The following RTN4IP1 variants were observed in gnomAD, a reference collection of about 807,000 sequenced individuals.
RTN4IP1 encodes the protein NAD(P)H oxidoreductase RTN4IP1, mitochondrial.
RTN4IP1 carries 32 observed loss-of-function variants against 46.6 expected under a neutral mutation model. The observed-to-expected ratio is 0.69, with a 90% confidence interval of 0.52 to 0.92. The LOEUF (loss-of-function observed/expected upper bound fraction) is 0.92, where lower values mean the gene tolerates loss of function less well. RTN4IP1 is among the 40% of genes least tolerant of loss of function. The pLI, the probability that RTN4IP1 is intolerant of heterozygous loss-of-function variation, is 0.00. For missense variants in RTN4IP1, 424 were observed against 485.8 expected (o/e 0.87, Z 1.20); for synonymous variants, 167 against 161.8 (o/e 1.03, Z -0.24).
chr6:106,627,949 TCCC>T (rs1307911564), intron 1 of RTN4IP1, among the ~76,000 whole-genome samples: 2 of 144,908 alleles, frequency 1.4e-5, no homozygotes. Flanking sequence ...ATGTCTGTAG[TCCC>T]AGCTACTTGG....
chr6:106,590,358 T>C (rs1210512154), intron 6 of RTN4IP1, among the ~76,000 whole-genome samples: 2 of 149,980 alleles, frequency 1.3e-5, no homozygotes, highest in Non-Finnish European at 3.0e-5. Context: ...CCCCTTAAGG[T>C]AGATAGAGGG....
intron 8 of RTN4IP1, among the ~76,000 whole-genome samples, chr6:106,577,752 AG>A (rs1775265027): frequency 6.6e-6 from 1 of 152,052 alleles, no homozygotes; most frequent in Non-Finnish European, 1.5e-5. Context: ...GGTCCTTATA[AG>A]GGGAAGGCAG....
chr6:106,611,493 G>T (rs1776224478), intron 4 of RTN4IP1, among the ~76,000 whole-genome samples: 12 of 152,168 alleles, frequency 7.9e-5, no homozygotes. Context: ...ATGGTTTTAA[G>T]AAATAAGGAT....
intron 1 of RTN4IP1, among the ~76,000 whole-genome samples, chr6:106,624,498 C>T (rs868714025): frequency 4.0e-5 from 6 of 151,808 alleles, no homozygotes; most frequent in African/African-American, 1.2e-4. Context: ...TACAGGTGTG[C>T]GCCACGTCTG....
At chr6:106,584,470 T>C (rs1176985651) in intron 7 of RTN4IP1, among the ~76,000 whole-genome samples, 1 of 152,240 alleles carries the variant, frequency 6.6e-6, no homozygotes, top group Non-Finnish European at 1.5e-5. Context: ...CAGTATGATA[T>C]AAGCTACTAC....
intron 4 of RTN4IP1, among the ~76,000 whole-genome samples, chr6:106,614,715 A>C (rs541618535): frequency 5.3e-5 from 8 of 152,340 alleles, no homozygotes; most frequent in African/African-American, 1.4e-4. Context: ...AGAGAGATCA[A>C]ATTAAAATAA....
Position 106,613,557 on chromosome 6 carries a change from C to T in RTN4IP1, c.620+5645G>A, listed in dbSNP as rs548023615. 4.6e-5 allele frequency among the ~76,000 whole-genome samples: 7 copies of T among 152,290 alleles called. No individual in the cohort carries two copies. The South Asian group carries it at 1.5e-3, about 32-fold the overall frequency. On this transcript the variant is annotated intron_variant, in intron 4 of 8. Transcript: ENST00000369063. ...CATTAAAATACAACAGTATTTTAGG[C>T]TTATTCACTACACAAGAAAACGTGA...
At chr6:106,585,014 G>A (rs1358105298) in intron 7 of RTN4IP1, among the ~76,000 whole-genome samples, 2 of 152,258 alleles carry the variant, frequency 1.3e-5, no homozygotes, top group East Asian at 1.9e-4. Context: ...GCCAGGCAAA[G>A]CCAGGGCTGG....
intron 5 of RTN4IP1, among the ~76,000 whole-genome samples, chr6:106,597,691 CTTTT>C (rs978214429): frequency 1.5e-5 from 2 of 136,116 alleles, no homozygotes; most frequent in South Asian, 2.3e-4. Context: ...CATTTTGTTT[CTTTT>C]TTTTTTTTTT....
intron 1 of RTN4IP1, among the ~76,000 whole-genome samples, chr6:106,625,858 G>A (rs1459985499): frequency 3.9e-5 from 6 of 151,944 alleles, no homozygotes; most frequent in African/African-American, 1.4e-4. Flanking sequence ...GTTTCTCCAT[G>A]TTGATCAGGA....
intron 7 of RTN4IP1, among the ~76,000 whole-genome samples, chr6:106,585,489 G>A (rs984640385): frequency 1.3e-5 from 2 of 152,194 alleles, no homozygotes; most frequent in South Asian, 4.1e-4. Flanking sequence ...TAATTGTTTA[G>A]GGTATTAAAG....
intron 5 of RTN4IP1, among the ~76,000 whole-genome samples, chr6:106,598,174 A>G (rs1401012279): frequency 3.9e-5 from 6 of 152,080 alleles, no homozygotes; most frequent in Admixed American, 2.6e-4. Flanking sequence ...ATGTGTCTTT[A>G]TAGTAGCATG....
intron 4 of RTN4IP1, among the ~76,000 whole-genome samples, chr6:106,616,076 G>A (rs572875214): frequency 8.3e-4 from 126 of 152,196 alleles, no homozygotes; most frequent in African/African-American, 2.9e-3. Context: ...GTGCCAACAC[G>A]TCCAGCTAAT....
rs756132764 is a variant in RTN4IP1 at position 106,587,768 on chromosome 6, C to T, written c.901G>A (p.Val301Met). Residue 301 changes from valine (V) to methionine (M), a missense_variant, in exon 7 of 9, where the codon GTG becomes ATG. Transcript: ENST00000369063. Reference protein sequence around the residue: ...KWSGATYVTLVTPFLLNMDRL... With the variant: ...KWSGATYVTLMTPFLLNMDRL... ...TCCATGTTCAGGAGGAAAGGAGTCA[C>T]CAAAGTCACATAGGTGGCTCCTGAC... is the stretch of plus-strand genomic sequence containing the variant. 3 of 1,613,876 alleles carry T rather than the reference C, an allele frequency of 1.9e-6. No individual in the cohort carries two copies. Among genetic ancestry groups the T allele is most frequent in the Non-Finnish European group, 2.5e-6 (3 of 1,180,010 alleles).
intron 1 of RTN4IP1, 75 bp from the exon 2 acceptor site, chr6:106,623,044 C>G: frequency 7.0e-7 from 1 of 1,435,736 alleles, no homozygotes. Flanking sequence ...GGGTTATAGT[C>G]CAGTACAATT....
At chr6:106,602,628 T>C (rs1033465051) in intron 5 of RTN4IP1, among the ~76,000 whole-genome samples, 1 of 152,160 alleles carries the variant, frequency 6.6e-6, no homozygotes, top group African/African-American at 2.4e-5. Flanking sequence ...ATTAGAATAT[T>C]TTCCTTACAG....
chr6:106,622,694 G>A, intron 2 of RTN4IP1, 124 bp downstream of exon 2: 3 of 956,230 alleles, frequency 3.1e-6, no homozygotes, highest in Non-Finnish European at 4.5e-6. Context: ...CAGATTCAGG[G>A]AGCAGAAGCC....
rs1330027820 is a variant in RTN4IP1 at position 106,621,513 on chromosome 6, A to T, written c.427-20T>A. The T allele has an allele frequency of 1.2e-6, 2 of 1,607,074 alleles. No individual in the cohort carries two copies. The highest frequency in any genetic ancestry group is 2.7e-5 in the African/African-American group (2 of 74,794). On this transcript the variant is annotated intron_variant, in intron 2 of 8. Transcript: ENST00000369063. ...CCAGACCTGAAACACACACAGACAG[A>T]CAGCTTCATTAGAAACACAGATATT...
intron 4 of RTN4IP1, among the ~76,000 whole-genome samples, chr6:106,606,322 G>C (rs1489837385): frequency 6.6e-6 from 1 of 152,080 alleles, no homozygotes; most frequent in African/African-American, 2.4e-5. Context: ...GGGAGGCTGA[G>C]GTGGAAGGAT....
Sources: gnomAD v4.1 joint callset for allele counts (sites outside exome capture counted in the v4.1 genomes callset) on GRCh38, gnomAD v4.1.1 for gene constraint, MANE v1.5 for transcripts, NCBI Gene and HGNC (gene_info 2026-07-23, HGNC 2026-07-21) for gene names.